The following STXBP5L variants were observed in gnomAD, a reference collection of about 807,000 sequenced individuals.
STXBP5L encodes syntaxin-binding protein 5-like.
STXBP5L carries 65 observed loss-of-function variants against 144.5 expected under a neutral mutation model. The ratio of observed to expected loss-of-function variants is 0.45; its 90% confidence interval spans 0.37 to 0.55. The LOEUF is 0.55. Among genes scored for constraint, STXBP5L ranks in the 20% least tolerant of loss-of-function variants. The pLI is 0.00. For missense variants in STXBP5L, 1,298 were observed against 1,405.5 expected (o/e 0.92, Z 1.22); for synonymous variants, 505 against 469.6 (o/e 1.08, Z -0.97).
At chr3:120,969,954 T>C (rs779508256) in intron 3 of STXBP5L, among the ~76,000 whole-genome samples, 4 of 152,092 alleles carry the variant, frequency 2.6e-5, no homozygotes, top group Admixed American at 6.6e-5. Flanking sequence ...TTTTAGTCTA[T>C]TACAGGTTTT....
intron 20 of STXBP5L, among the ~76,000 whole-genome samples, chr3:121,373,835 C>T (rs1355631346): frequency 6.6e-6 from 1 of 152,168 alleles, no homozygotes; most frequent in Non-Finnish European, 1.5e-5. Context: ...ATGACACCAC[C>T]AGTCTCTGTG....
intron 17 of STXBP5L, among the ~76,000 whole-genome samples, chr3:121,258,558 T>C (rs2050284758): frequency 6.6e-6 from 1 of 152,158 alleles, no homozygotes; most frequent in Non-Finnish European, 1.5e-5. Context: ...TTTTTGAAAG[T>C]AGCATCAGTA....
chr3:121,231,163 G>T (rs1313547267), intron 11 of STXBP5L, among the ~76,000 whole-genome samples: 1 of 152,100 alleles, frequency 6.6e-6, no homozygotes, highest in East Asian at 1.9e-4. Context: ...AGAGTGTACG[G>T]CCATTTTGGC....
intron 20 of STXBP5L, chr3:121,357,746 A>G (rs936235839): frequency 6.6e-6 from 1 of 152,196 alleles, no homozygotes; most frequent in Non-Finnish European, 1.5e-5. Context: ...TGTAACTATG[A>G]TGGTGATGGA....
intron 9 of STXBP5L, among the ~76,000 whole-genome samples, chr3:121,184,523 T>A (rs1057185595): frequency 1.3e-5 from 2 of 151,438 alleles, no homozygotes; most frequent in Admixed American, 1.3e-4. Context: ...GAAAGCAGAA[T>A]GAAAAGAAAT....
chr3:121,063,070 T>G (rs1349608519), intron 5 of STXBP5L, among the ~76,000 whole-genome samples: 1 of 152,218 alleles, frequency 6.6e-6, no homozygotes, highest in Non-Finnish European at 1.5e-5. Context: ...GTTGTGATCC[T>G]CTGGAGCAGA....
chr3:121,101,875 G>A (rs1427587825), intron 5 of STXBP5L, among the ~76,000 whole-genome samples: 1 of 151,952 alleles, frequency 6.6e-6, no homozygotes, highest in Non-Finnish European at 1.5e-5. Context: ...GATGAGTTCA[G>A]TAAAGTTTCC....
intron 20 of STXBP5L, among the ~76,000 whole-genome samples, chr3:121,348,858 AT>A (rs1291794374): frequency 6.6e-6 from 1 of 151,140 alleles, no homozygotes; most frequent in Middle Eastern, 3.2e-3. Flanking sequence ...TTTCTTCTTT[AT>A]TATTCTTACT....
At chr3:120,962,091 C>T (rs927867703) in intron 3 of STXBP5L, among the ~76,000 whole-genome samples, 3 of 152,118 alleles carry the variant, frequency 2.0e-5, no homozygotes, top group African/African-American at 7.2e-5. Flanking sequence ...AGTGTCTGTT[C>T]ATATCATTTG....
intron 20 of STXBP5L, among the ~76,000 whole-genome samples, chr3:121,341,379 C>T (rs1325185400): frequency 2.6e-5 from 4 of 152,068 alleles, no homozygotes; most frequent in Non-Finnish European, 5.9e-5. Flanking sequence ...CAGGGAATAA[C>T]AAATGCTGAC....
At chr3:121,065,138 C>G (rs1031425739) in intron 5 of STXBP5L, among the ~76,000 whole-genome samples, 1 of 151,844 alleles carries the variant, frequency 6.6e-6, no homozygotes, top group Non-Finnish European at 1.5e-5. Context: ...ATCTGATCCA[C>G]TGTTGATGGG....
At chr3:120,969,128 T>C (rs1481058668) in intron 3 of STXBP5L, among the ~76,000 whole-genome samples, 1 of 152,120 alleles carries the variant, frequency 6.6e-6, no homozygotes, top group African/African-American at 2.4e-5. Context: ...CTGTTTTCCA[T>C]AGTGTTTGTA....
intron 20 of STXBP5L, among the ~76,000 whole-genome samples, chr3:121,320,006 G>C (rs1309365895): frequency 6.6e-6 from 1 of 152,052 alleles, no homozygotes; most frequent in East Asian, 1.9e-4. Flanking sequence ...CATTATAGCT[G>C]TTCTACCTTT....
intron 19 of STXBP5L, among the ~76,000 whole-genome samples, chr3:121,303,362 A>T (rs1165626690): frequency 3.3e-5 from 5 of 152,076 alleles, no homozygotes; most frequent in Non-Finnish European, 7.4e-5. Flanking sequence ...GGCAATCATT[A>T]AAAAGTCAGG....
chr3:121,231,093 G>A (rs867499031), intron 11 of STXBP5L, among the ~76,000 whole-genome samples: 1 of 152,170 alleles, frequency 6.6e-6, no homozygotes, highest in Non-Finnish European at 1.5e-5. Context: ...CTGCCAGGAT[G>A]ATTAGGGCAC....
intron 9 of STXBP5L, among the ~76,000 whole-genome samples, chr3:121,183,599 A>G (rs1344016764): frequency 6.6e-6 from 1 of 151,816 alleles, no homozygotes; most frequent in Non-Finnish European, 1.5e-5. Flanking sequence ...GGAAGAAAGA[A>G]AGAAAGAGAA....
At chr3:121,078,467 C>A (rs1213450636) in intron 5 of STXBP5L, among the ~76,000 whole-genome samples, 1 of 152,268 alleles carries the variant, frequency 6.6e-6, no homozygotes, top group Non-Finnish European at 1.5e-5. Flanking sequence ...CCGCTGTCGT[C>A]ACCCAGTGGA....
At chr3:121,161,481 G>A (rs931000401) in intron 9 of STXBP5L, among the ~76,000 whole-genome samples, 1 of 151,528 alleles carries the variant, frequency 6.6e-6, no homozygotes, top group Admixed American at 6.6e-5. Flanking sequence ...TTTATTTTCA[G>A]CAATTTGACT....
chr3:121,193,670 G>C (rs574187888), intron 9 of STXBP5L, among the ~76,000 whole-genome samples: 1 of 152,100 alleles, frequency 6.6e-6, no homozygotes, highest in Admixed American at 6.6e-5. Flanking sequence ...ATTTTCCTTT[G>C]CAGGGACATG....
Sources: allele counts gnomAD v4.1 joint callset (sites outside exome capture counted in the v4.1 genomes callset), GRCh38; gene constraint gnomAD v4.1.1; transcripts MANE v1.5; gene names NCBI Gene and HGNC (gene_info 2026-07-23, HGNC 2026-07-21).